CAMK1D: variants seen among roughly 807,000 people sequenced by gnomAD.
CAMK1D encodes calcium/calmodulin dependent protein kinase ID.
In CAMK1D, 9 loss-of-function variants were observed where a neutral mutation model predicts 47.7. The ratio of observed to expected loss-of-function variants is 0.19; its 90% confidence interval spans 0.11 to 0.33. CAMK1D has a LOEUF of 0.33. CAMK1D is among the 10% of genes least tolerant of loss of function. The pLI is 1.00. For synonymous variants in CAMK1D, 184 were observed against 184.9 expected (o/e 0.99, Z 0.04); for missense variants, 291 against 488.7 (o/e 0.60, Z 3.81).
intron 1 of CAMK1D, among the ~76,000 whole-genome samples, chr10:12,536,504 C>T (rs1014267292): frequency 6.6e-6 from 1 of 152,166 alleles, no homozygotes; most frequent in Admixed American, 6.5e-5. Flanking sequence ...GCCTCGCTCT[C>T]CTGAGCTCAG....
chr10:12,677,712 G>A (rs1840858855), intron 3 of CAMK1D, among the ~76,000 whole-genome samples: 2 of 152,146 alleles, frequency 1.3e-5, no homozygotes, highest in Non-Finnish European at 2.9e-5. Context: ...TCTATGAGGG[G>A]CTTTGTCTGA....
chr10:12,489,183 C>T (rs1157115623), intron 1 of CAMK1D, among the ~76,000 whole-genome samples: 4 of 152,138 alleles, frequency 2.6e-5, no homozygotes, highest in Non-Finnish European at 4.4e-5. Context: ...TGTGATCCGC[C>T]GGCCTCGGCC....
At chr10:12,407,061 C>G (rs1839459266) in intron 1 of CAMK1D, among the ~76,000 whole-genome samples, 1 of 152,200 alleles carries the variant, frequency 6.6e-6, no homozygotes, top group African/African-American at 2.4e-5. Context: ...TTTGCCTTCT[C>G]CTCTTCCTCT....
At chr10:12,368,058 G>A (rs1173256067) in intron 1 of CAMK1D, among the ~76,000 whole-genome samples, 1 of 152,186 alleles carries the variant, frequency 6.6e-6, no homozygotes, top group Non-Finnish European at 1.5e-5. Context: ...CGGGCGCGGT[G>A]GCGGGCGCCT....
chr10:12,606,412 T>C (rs1387895287), intron 2 of CAMK1D, among the ~76,000 whole-genome samples: 1 of 152,182 alleles, frequency 6.6e-6, no homozygotes, highest in Non-Finnish European at 1.5e-5. Flanking sequence ...CTGATGTTCT[T>C]AAGATGGCAA....
chr10:12,572,892 A>C (rs7081248), intron 2 of CAMK1D, among the ~76,000 whole-genome samples: 44,249 of 151,984 alleles, frequency 0.29, 6,978 homozygotes, highest in Admixed American at 0.38. Context: ...TTTTCTTCCC[A>C]AAATGCTGGA....
At position 12,514,136 on chromosome 10, in the gene CAMK1D, C is replaced by T. The variant is rs747232129; in HGVS notation, c.93-39089C>T. On this transcript the variant is annotated intron_variant, in intron 1 of 10. Coordinates refer to ENST00000619168, the MANE Select transcript of CAMK1D (RefSeq NM_153498.4). ...CTGAAAGTGCTTTTCAGCTGGAGTG[C>T]GGCGTGGCAGTGGTGAGATTTCATT... 2.2e-4 allele frequency among the ~76,000 whole-genome samples: 34 copies of T among 152,106 alleles called. 1 individual carries two copies. The highest frequency in any genetic ancestry group is 1.1e-3 in the Admixed American group (17 of 15,270).
chr10:12,568,030 G>GT (rs1264738401), intron 2 of CAMK1D, among the ~76,000 whole-genome samples: 1 of 151,668 alleles, frequency 6.6e-6, no homozygotes, highest in African/African-American at 2.4e-5. Context: ...CTATAGAGTG[G>GT]TTAGAAGTTT....
At chr10:12,540,426 G>A (rs534962908) in intron 1 of CAMK1D, among the ~76,000 whole-genome samples, 2 of 152,218 alleles carry the variant, frequency 1.3e-5, no homozygotes, top group Non-Finnish European at 2.9e-5. Flanking sequence ...TAAACAAAGC[G>A]TGTGTTTTAG....
intron 1 of CAMK1D, among the ~76,000 whole-genome samples, chr10:12,463,371 C>G (rs917808208): frequency 6.6e-6 from 1 of 152,088 alleles, no homozygotes; most frequent in Non-Finnish European, 1.5e-5. Context: ...CTCCTGACCT[C>G]AAATGATTCA....
At chr10:12,602,162 A>G (rs1237851725) in intron 2 of CAMK1D, among the ~76,000 whole-genome samples, 2 of 152,278 alleles carry the variant, frequency 1.3e-5, no homozygotes, top group East Asian at 1.9e-4. Context: ...GTTTGATTAC[A>G]GGAAAGTAAT....
intron 5 of CAMK1D, among the ~76,000 whole-genome samples, chr10:12,775,045 G>A (rs1450818747): frequency 6.6e-6 from 1 of 151,254 alleles, no homozygotes; most frequent in African/African-American, 2.4e-5. Context: ...ACTGTGAGAA[G>A]GCTCAGGCAT....
intron 2 of CAMK1D, among the ~76,000 whole-genome samples, chr10:12,638,134 A>C (rs1839563226): frequency 6.6e-6 from 1 of 152,078 alleles, no homozygotes; most frequent in African/African-American, 2.4e-5. Context: ...CCCCAGTAAC[A>C]ACTCACTCTT....
At chr10:12,606,438 G>T (rs1838464419) in intron 2 of CAMK1D, among the ~76,000 whole-genome samples, 1 of 152,198 alleles carries the variant, frequency 6.6e-6, no homozygotes, top group African/African-American at 2.4e-5. Flanking sequence ...AGTCGATGGG[G>T]CTTGGGCTCT....
At position 12,665,801 on chromosome 10, in the gene CAMK1D, G is replaced by T. The variant is rs74578684; in HGVS notation, c.225-935G>T. Among the ~76,000 whole-genome samples the T allele has an allele frequency of 5.9e-3, 892 of 152,320 alleles. 7 individuals are homozygous for T. Among genetic ancestry groups the T allele is most frequent in the African/African-American group, 0.02 (833 of 41,564 alleles). On this transcript the variant is annotated intron_variant, in intron 2 of 10. Transcript: ENST00000619168. ...TATTCAGAGTGCAGTCTGCAGATCGGCAGTACCGATATCTCCTGGGAGCTG... is the reference window on the plus strand; with the variant it reads ...TATTCAGAGTGCAGTCTGCAGATCGTCAGTACCGATATCTCCTGGGAGCTG...
intron 1 of CAMK1D, among the ~76,000 whole-genome samples, chr10:12,355,461 CGT>C (rs373427147): frequency 8.6e-4 from 129 of 150,670 alleles, no homozygotes; most frequent in Middle Eastern, 3.4e-3. Context: ...TTTGTGTGTG[CGT>C]GTGTGTGTGT....
chr10:12,653,617 T>C (rs548435198), intron 2 of CAMK1D, among the ~76,000 whole-genome samples: 19 of 152,234 alleles, frequency 1.2e-4, no homozygotes, highest in Non-Finnish European at 2.4e-4. Context: ...ATGTGGGCAC[T>C]TTCCCAGAAT....
chr10:12,830,448 T>A lies in CAMK1D; in HGVS notation c.*1561T>A, dbSNP rs1833397605. 6.6e-6 allele frequency: 1 copy of A among 152,204 alleles called. No individual in the cohort carries two copies. The allele number at this position is 152,204 out of a possible 1,614,324, so 9.4% of individuals were successfully genotyped here. A position where few individuals can be genotyped will look rare whatever the true frequency, so the allele number is the denominator to read the frequency against. ...CCAGTGCTTGCAGCCCTCCCATTGG[T>A]CAGGGGAGTCTAAAATCAAAGATAC... On this transcript the variant is annotated 3_prime_UTR_variant, in exon 11 of 11. Transcript: ENST00000619168.
chr10:12,516,279 T>C (rs928969330), intron 1 of CAMK1D, among the ~76,000 whole-genome samples: 3 of 152,160 alleles, frequency 2.0e-5, no homozygotes, highest in Non-Finnish European at 4.4e-5. Context: ...TGGCTAATTT[T>C]TGTATTTTTA....
Sources: allele counts gnomAD v4.1 joint callset (sites outside exome capture counted in the v4.1 genomes callset), GRCh38; gene constraint gnomAD v4.1.1; transcripts MANE v1.5; gene names NCBI Gene and HGNC (gene_info 2026-07-23, HGNC 2026-07-21).